Variants in SORCS2 observed in about 807,000 individuals in gnomAD.
The protein encoded by SORCS2 is VPS10 domain-containing receptor SorCS2.
A neutral mutation model predicts 141.6 loss-of-function variants in SORCS2; 100 were observed. That is an observed-to-expected ratio of 0.71 (90% CI 0.60 to 0.83). SORCS2 has a LOEUF of 0.83. Ranked by LOEUF, SORCS2 falls within the 40% of genes least tolerant of loss-of-function variation. The pLI is 0.00. For missense variants in SORCS2, 1,646 were observed against 1,560.2 expected (o/e 1.05, Z -0.93); for synonymous variants, 789 against 676.9 (o/e 1.17, Z -2.57).
Position 7,725,696 on chromosome 4 carries a change from T to C in SORCS2, c.2745+409T>C, listed in dbSNP as rs117903333. ...GGCTCAGAAGCCTCCCTCAGAGGCCTGGGTTGTACCCTGTCTGCAGTGGGG... is the reference window on the plus strand; with the variant it reads ...GGCTCAGAAGCCTCCCTCAGAGGCCCGGGTTGTACCCTGTCTGCAGTGGGG... On this transcript the variant is annotated intron_variant, in intron 20 of 26. Coordinates refer to ENST00000507866, the MANE Select transcript of SORCS2 (RefSeq NM_020777.3). Among the ~76,000 whole-genome samples the C allele has an allele frequency of 1.4e-3, 216 of 152,324 alleles. 3 individuals carry two copies. In the East Asian group the frequency reaches 0.034, roughly 24 times the overall value.
At chr4:7,352,575 A>T (rs539748656) in intron 1 of SORCS2, among the ~76,000 whole-genome samples, 6 of 152,180 alleles carry the variant, frequency 3.9e-5, no homozygotes, top group Non-Finnish European at 7.3e-5. Context: ...CTCTTAGCAG[A>T]TGTCTAGTGG....
chr4:7,511,012 C>A (rs1217775890), intron 2 of SORCS2, among the ~76,000 whole-genome samples: 1 of 152,214 alleles, frequency 6.6e-6, no homozygotes, highest in African/African-American at 2.4e-5. Context: ...GAAGAGAAGG[C>A]CACATATGGT....
chr4:7,290,667 A>G (rs1431481562), intron 1 of SORCS2, among the ~76,000 whole-genome samples: 1 of 152,172 alleles, frequency 6.6e-6, no homozygotes, highest in Non-Finnish European at 1.5e-5. Flanking sequence ...CCCCTCATCC[A>G]TGTATGCACA....
At chr4:7,574,928 C>A (rs532776353) in intron 3 of SORCS2, among the ~76,000 whole-genome samples, 11 of 152,242 alleles carry the variant, frequency 7.2e-5, no homozygotes, top group Non-Finnish European at 1.6e-4. Context: ...GTCGCCATGT[C>A]CCGACTCCTG....
chr4:7,315,098 G>A (rs1718472888), intron 1 of SORCS2, among the ~76,000 whole-genome samples: 1 of 152,170 alleles, frequency 6.6e-6, no homozygotes, highest in Admixed American at 6.5e-5. Flanking sequence ...CTCCCAAAGT[G>A]CTGGGATTAC....
At chr4:7,328,276 T>C (rs1334774426) in intron 1 of SORCS2, among the ~76,000 whole-genome samples, 1 of 151,524 alleles carries the variant, frequency 6.6e-6, no homozygotes, top group Non-Finnish European at 1.5e-5. Context: ...CTTCAAGTGA[T>C]CCACCCACCT....
At position 7,547,454 on chromosome 4, in the gene SORCS2, C is replaced by T. The variant is rs554421552; in HGVS notation, c.648+15825C>T. Among the ~76,000 whole-genome samples, 4 of 152,354 alleles carry T rather than the reference C, an allele frequency of 2.6e-5. No homozygotes were observed. In the East Asian group the frequency reaches 7.7e-4, roughly 29 times the overall value. The stretch of plus-strand genomic sequence containing the variant: ...CAAAATCCAGGCTGCCTGTGCTGTG[C>T]CTGCTCACCTCTGCAAATTCATCTC... On this transcript the variant is annotated intron_variant, in intron 3 of 26. Transcript: ENST00000507866.
intron 1 of SORCS2, among the ~76,000 whole-genome samples, chr4:7,215,466 G>C (rs998212615): frequency 2.6e-5 from 4 of 152,232 alleles, no homozygotes; most frequent in African/African-American, 9.6e-5. Flanking sequence ...GCGACCCCCT[G>C]CTCCACGGCT....
chr4:7,539,711 C>A (rs1032605579), intron 3 of SORCS2, among the ~76,000 whole-genome samples: 1 of 37,038 alleles, frequency 2.7e-5, no homozygotes, highest in Non-Finnish European at 1.4e-4. Flanking sequence ...CCCCTTCCTG[C>A]TGTGGAGGCC....
At chr4:7,248,684 CTCTTTCCGGG>C (rs1713290444) in intron 1 of SORCS2, among the ~76,000 whole-genome samples, 1 of 152,174 alleles carries the variant, frequency 6.6e-6, no homozygotes, top group Non-Finnish European at 1.5e-5. Context: ...GATTTTATTC[CTCTTTCCGGG>C]TGTACACTAC....
intron 1 of SORCS2, among the ~76,000 whole-genome samples, chr4:7,326,200 G>T (rs1719248984): frequency 6.6e-6 from 1 of 152,098 alleles, no homozygotes; most frequent in South Asian, 2.1e-4. Flanking sequence ...GGGGAGTTAG[G>T]ATCACTGAGG....
chr4:7,215,325 C>T (rs764869801), intron 1 of SORCS2, among the ~76,000 whole-genome samples: 41 of 152,208 alleles, frequency 2.7e-4, no homozygotes, highest in Non-Finnish European at 4.7e-4. Context: ...AGCCTACCGG[C>T]GCTGCGCTCG....
rs1054595619 is a variant in SORCS2 at position 7,729,861 on chromosome 4, G to A, written c.3108+149G>A. 41 of 1,182,416 alleles carry A rather than the reference G, an allele frequency of 3.5e-5. 1 individual carries two copies. The highest frequency in any genetic ancestry group is 3.3e-4 in the Admixed American group (13 of 39,286). The allele number at this position is 1,182,416 out of a possible 1,614,324, so 73.2% of individuals were successfully genotyped here. On this transcript the variant is annotated intron_variant, in intron 23 of 26. Coordinates refer to ENST00000507866, the MANE Select transcript of SORCS2 (RefSeq NM_020777.3). ...GTCTGACTCAGGGTGGCTTGACCTC[G>A]TCCACCTGTGGCTACGCCCTCTGGA...
intron 14 of SORCS2, 92 bp from the exon 15 acceptor site, chr4:7,712,641 A>G (rs1725899131): frequency 3.9e-6 from 6 of 1,545,946 alleles, no homozygotes; most frequent in African/African-American, 1.4e-5. Flanking sequence ...TGGTACAGGT[A>G]GGAACAGAGT....
intron 12 of SORCS2, among the ~76,000 whole-genome samples, chr4:7,702,653 C>T (rs1725161770): frequency 6.6e-6 from 1 of 152,234 alleles, no homozygotes; most frequent in Non-Finnish European, 1.5e-5. Context: ...GTCGGCCATT[C>T]ATTCACTTGT....
chr4:7,725,472 A>C (rs891905449), intron 20 of SORCS2, among the ~76,000 whole-genome samples, 185 bp downstream of exon 20: 1 of 152,198 alleles, frequency 6.6e-6, no homozygotes, highest in Non-Finnish European at 1.5e-5. Context: ...TTCAGGGCCC[A>C]TCTGCTCAAT....
Position 7,510,801 on chromosome 4 carries a change from C to T in SORCS2, c.549-20729C>T, listed in dbSNP as rs557616472. ...CTTGCGCATCCAGGTCTCTGCTCAA[C>T]GTCAGAGTGGAGCCTCCGGGCCACT... On this transcript the variant is annotated intron_variant, in intron 2 of 26. Transcript: ENST00000507866. 2.2e-3 allele frequency among the ~76,000 whole-genome samples: 336 copies of T among 152,368 alleles called. 3 individuals carry two copies. The highest frequency in any genetic ancestry group is 2.5e-3 in the Non-Finnish European group (168 of 68,032).
intron 1 of SORCS2, among the ~76,000 whole-genome samples, chr4:7,324,110 G>T (rs368901954): frequency 6.6e-6 from 1 of 152,330 alleles, no homozygotes; most frequent in African/African-American, 2.4e-5. Context: ...CAACCAGCAG[G>T]TGGCGGGGCT....
intron 1 of SORCS2, among the ~76,000 whole-genome samples, chr4:7,254,949 C>A (rs962821796): frequency 5.4e-4 from 82 of 152,092 alleles, no homozygotes; most frequent in African/African-American, 1.8e-3. Flanking sequence ...GCTACATCTG[C>A]AGCCCAAGCA....
Sources: gnomAD v4.1 joint callset for allele counts (sites outside exome capture counted in the v4.1 genomes callset) on GRCh38, gnomAD v4.1.1 for gene constraint, MANE v1.5 for transcripts, NCBI Gene and HGNC (gene_info 2026-07-23, HGNC 2026-07-21) for gene names.